CLPSL1: variants seen among roughly 807,000 people sequenced by gnomAD.
The protein encoded by CLPSL1 is colipase-like protein 1.
Under a neutral mutation model 9.3 loss-of-function variants are expected in CLPSL1, and 13 were observed. That is an observed-to-expected ratio of 1.40 (90% CI 0.91 to 2.22). CLPSL1 has a LOEUF of 2.22. Among genes scored for constraint, CLPSL1 ranks in the 30% most tolerant of loss-of-function variants. CLPSL1 has a pLI of 0.00. For synonymous variants in CLPSL1, 58 were observed against 56.9 expected, an observed-to-expected ratio of 1.02 and a Z score of -0.08; for missense variants, 164 against 146.6, an observed-to-expected ratio of 1.12 and a Z score of -0.61.
At chr6:35,784,998 T>G (rs906928138) in intron 1 of CLPSL1, among the ~76,000 whole-genome samples, 1 of 152,044 alleles carries the variant, frequency 6.6e-6, no homozygotes, top group African/African-American at 2.4e-5. Flanking sequence ...TTAACAGTCT[T>G]GCCTACCTCC....
chr6:35,790,189 T>A (rs1768159876), downstream of CLPSL1, among the ~76,000 whole-genome samples: 1 of 152,252 alleles, frequency 6.6e-6, no homozygotes, highest in Non-Finnish European at 1.5e-5. Flanking sequence ...TGCCTCAGCC[T>A]CTCAAAATGC....
chr6:35,781,985 C>A (rs1360372863), intron 1 of CLPSL1, among the ~76,000 whole-genome samples: 1 of 152,100 alleles, frequency 6.6e-6, no homozygotes, highest in Non-Finnish European at 1.5e-5. Flanking sequence ...CTCCTGACCT[C>A]AAGCAATCCA....
intron 1 of CLPSL1, among the ~76,000 whole-genome samples, chr6:35,784,648 C>T (rs1195395354): frequency 6.6e-6 from 1 of 152,002 alleles, no homozygotes; most frequent in Non-Finnish European, 1.5e-5. Context: ...GGCTGTAATC[C>T]CAACATTTTG....
At chr6:35,791,501 G>A (rs188865680), downstream of CLPSL1, among the ~76,000 whole-genome samples, 41 of 152,046 alleles carry the variant, frequency 2.7e-4, no homozygotes, top group African/African-American at 9.2e-4. Context: ...CCAGCTACTC[G>A]GGAGGCTGAG....
At chr6:35,789,023 GC>G (rs1201292056), downstream of CLPSL1, among the ~76,000 whole-genome samples, 5 of 152,358 alleles carry the variant, frequency 3.3e-5, no homozygotes, top group Middle Eastern at 3.4e-3. Context: ...TACTTAGAAC[GC>G]CCCCTTGTAA....
chr6:35,788,214 G>C (rs533585618), downstream of CLPSL1: 17 of 580,716 alleles, frequency 2.9e-5, 1 homozygote, highest in South Asian at 2.7e-4. Context: ...ACAGGTTTCT[G>C]GGGGGTGGGG....
At chr6:35,787,536 G>GT (rs1768107741) in intron 2 of CLPSL1, among the ~76,000 whole-genome samples, 1 of 152,262 alleles carries the variant, frequency 6.6e-6, no homozygotes, top group African/African-American at 2.4e-5. Context: ...TCTGAGCTGG[G>GT]TGTGTAGGGG....
chr6:35,784,311 C>T (rs1166066389), intron 1 of CLPSL1, among the ~76,000 whole-genome samples: 1 of 152,150 alleles, frequency 6.6e-6, no homozygotes, highest in Non-Finnish European at 1.5e-5. Flanking sequence ...TTTTATCATG[C>T]AGATGAAGCC....
At chr6:35,789,832 T>G (rs1162346739), downstream of CLPSL1, among the ~76,000 whole-genome samples, 1 of 152,136 alleles carries the variant, frequency 6.6e-6, no homozygotes, top group East Asian at 1.9e-4. Context: ...AGGTGGAGGT[T>G]GCAGTGAGCC....
At chr6:35,783,509 CAA>C (rs911622955) in intron 1 of CLPSL1, among the ~76,000 whole-genome samples, 2 of 138,588 alleles carry the variant, frequency 1.4e-5, no homozygotes, top group Admixed American at 7.2e-5. Context: ...GACTTTGTCT[CAA>C]AAAAAAAAAG....
At chr6:35,786,943 G>T (rs1173054689) in intron 1 of CLPSL1, 55 bp from the exon 2 acceptor site, 2 of 1,541,362 alleles carry the variant, frequency 1.3e-6, no homozygotes, top group Non-Finnish European at 1.7e-6. Context: ...CAGGCGGGGC[G>T]GCGAGGGCGG....
rs1162078160 is a variant in CLPSL1 at position 35,786,980 on chromosome 6, C to T, written c.100-18C>T. 5.1e-6 allele frequency: 8 copies of T among 1,564,190 alleles called. No homozygotes were observed. The highest frequency in any genetic ancestry group is 6.9e-6 in the Non-Finnish European group (8 of 1,156,180). On this transcript the variant is annotated intron_variant, in intron 1 of 2. Coordinates refer to ENST00000373861, the MANE Select transcript of CLPSL1 (RefSeq NM_001010886.5). ...AGGCGGGCGGTGGAGCCTGGCGGTGCCGTGTCCCTCCCTGCAGGAGCTCAA... is the reference window on the plus strand; with the variant it reads ...AGGCGGGCGGTGGAGCCTGGCGGTGTCGTGTCCCTCCCTGCAGGAGCTCAA...
chr6:35,792,572 A>C (rs1338290016), downstream of CLPSL1, among the ~76,000 whole-genome samples: 1 of 152,294 alleles, frequency 6.6e-6, no homozygotes, highest in Non-Finnish European at 1.5e-5. Flanking sequence ...TGTGATGCTG[A>C]AAAGCAGCAG....
chr6:35,786,089 A>T (rs1768067282), intron 1 of CLPSL1, among the ~76,000 whole-genome samples: 1 of 152,064 alleles, frequency 6.6e-6, no homozygotes, highest in African/African-American at 2.4e-5. Context: ...GCATGGCGAA[A>T]CCCCGTCTCT....
rs751443172 is a variant in CLPSL1 at position 35,786,994 on chromosome 6, G to A, written c.100-4G>A. 1 of 1,573,384 alleles carries A rather than the reference G, an allele frequency of 6.4e-7. No homozygotes were observed. The highest frequency in any genetic ancestry group is 1.2e-5 in the South Asian group (1 of 85,782). ...GCCTGGCGGTGCCGTGTCCCTCCCTGCAGGAGCTCAAGGAGTCTTGCATCC... is the reference window on the plus strand; with the variant it reads ...GCCTGGCGGTGCCGTGTCCCTCCCTACAGGAGCTCAAGGAGTCTTGCATCC... On this transcript the variant is annotated splice_region_variant and splice_polypyrimidine_tract_variant and intron_variant, in intron 1 of 2. Coordinates refer to ENST00000373861, the MANE Select transcript of CLPSL1 (RefSeq NM_001010886.5).
At chr6:35,790,872 G>A (rs1355420985), downstream of CLPSL1, among the ~76,000 whole-genome samples, 1 of 152,196 alleles carries the variant, frequency 6.6e-6, no homozygotes, top group Non-Finnish European at 1.5e-5. Context: ...GAAACCCTGT[G>A]TCTGAAAACA....
At chr6:35,788,339 C>A (rs145269806), downstream of CLPSL1, among the ~76,000 whole-genome samples, 1 of 152,276 alleles carries the variant, frequency 6.6e-6, no homozygotes, top group Non-Finnish European at 1.5e-5. Context: ...CCACCCCAAC[C>A]CCTTTCTGCC....
At position 35,786,998 on chromosome 6, in the gene CLPSL1, G is replaced by A; in HGVS notation, c.100G>A (p.Glu34Lys). ...SLSPTKYNLL[E>K]LKESCIRNQD... ...GGCGGTGCCGTGTCCCTCCCTGCAG[G>A]AGCTCAAGGAGTCTTGCATCCGGAA... The change falls in exon 2 of 3, where the codon GAG (glutamate) becomes AAG (lysine). Residue 34 changes from glutamate to lysine, a missense_variant and splice_region_variant. Transcript: ENST00000373861. The A allele has an allele frequency of 1.3e-6, 2 of 1,575,792 alleles. No individual in the cohort carries two copies. Among genetic ancestry groups the A allele is most frequent in the Non-Finnish European group, 1.7e-6 (2 of 1,162,354 alleles).
chr6:35,790,249 C>A (rs1030621888), downstream of CLPSL1, among the ~76,000 whole-genome samples: 4 of 152,196 alleles, frequency 2.6e-5, no homozygotes, highest in African/African-American at 9.7e-5. Context: ...TCACTTTTTT[C>A]CAATATTGGA....
Sources: gnomAD v4.1 joint callset for allele counts (sites outside exome capture counted in the v4.1 genomes callset) on GRCh38, gnomAD v4.1.1 for gene constraint, MANE v1.5 for transcripts, NCBI Gene and HGNC (gene_info 2026-07-23, HGNC 2026-07-21) for gene names.